Variants in MNAT1 observed in about 807,000 individuals in gnomAD.
MNAT1 encodes the protein CDK-activating kinase assembly factor MAT1.
MNAT1 carries 43 observed loss-of-function variants against 42.0 expected under a neutral mutation model. That is an observed-to-expected ratio of 1.02 (90% CI 0.80 to 1.32). The LOEUF (loss-of-function observed/expected upper bound fraction) is 1.32, where lower values mean the gene tolerates loss of function less well. MNAT1 is among the 40% of genes most tolerant of loss of function. MNAT1 has a pLI of 0.00. For synonymous variants in MNAT1, 118 were observed against 120.0 expected, an observed-to-expected ratio of 0.98 and a Z score of 0.11; for missense variants, 306 against 350.4, an observed-to-expected ratio of 0.87 and a Z score of 1.01.
At chr14:60,789,528 C>T (rs1468217333) in intron 1 of MNAT1, among the ~76,000 whole-genome samples, 4 of 152,088 alleles carry the variant, frequency 2.6e-5, no homozygotes, top group East Asian at 1.9e-4. Context: ...TAAGGCAATT[C>T]GCAATAAAAT....
chr14:60,963,485 G>T (rs118175868), intron 7 of MNAT1, among the ~76,000 whole-genome samples: 1 of 152,100 alleles, frequency 6.6e-6, no homozygotes, highest in African/African-American at 2.4e-5. Flanking sequence ...TTGTGTGAGC[G>T]CACTGTTGCT....
chr14:60,758,046 C>T (rs972484807), intron 1 of MNAT1, among the ~76,000 whole-genome samples: 1 of 151,970 alleles, frequency 6.6e-6, no homozygotes, highest in African/African-American at 2.4e-5. Context: ...ACAAATATAC[C>T]AGATATTCAA....
chr14:60,880,265 A>G (rs955778443), intron 7 of MNAT1, among the ~76,000 whole-genome samples: 1 of 152,172 alleles, frequency 6.6e-6, no homozygotes, highest in Non-Finnish European at 1.5e-5. Flanking sequence ...CATGAAATAT[A>G]TTTTGTTGAA....
intron 1 of MNAT1, among the ~76,000 whole-genome samples, chr14:60,771,054 T>C (rs2031034338): frequency 6.6e-6 from 1 of 152,226 alleles, no homozygotes; most frequent in Non-Finnish European, 1.5e-5. Flanking sequence ...CTCTAGTATA[T>C]ATACGTAGAA....
chr14:60,938,938 A>G (rs376815299), intron 7 of MNAT1, among the ~76,000 whole-genome samples: 2 of 152,098 alleles, frequency 1.3e-5, no homozygotes, highest in African/African-American at 4.8e-5. Context: ...CAGAGATTCA[A>G]CTTCTTCCTG....
At chr14:60,877,842 G>A (rs2034467177) in intron 6 of MNAT1, among the ~76,000 whole-genome samples, 1 of 151,912 alleles carries the variant, frequency 6.6e-6, no homozygotes, top group Admixed American at 6.6e-5. Flanking sequence ...TTATCCAGTA[G>A]TTCTTTCTTC....
Position 60,969,450 on chromosome 14 carries a change from G to T in MNAT1, c.*1101G>T, listed in dbSNP as rs949371106. ...TAACAACTCCATCTTATTTTACTAA[G>T]CAGTTATTAATTAATTTTAGCAATA... On this transcript the variant is annotated 3_prime_UTR_variant, in exon 8 of 8. Transcript: ENST00000261245. 3 of 152,142 alleles carry T rather than the reference G, an allele frequency of 2.0e-5. No individual in the cohort carries two copies. The highest frequency in any genetic ancestry group is 7.2e-5 in the African/African-American group (3 of 41,438). 9.4% of individuals were successfully genotyped at this position (152,142 alleles called of 1,614,324 possible). A position where few individuals can be genotyped will look rare whatever the true frequency, so the allele number is the denominator to read the frequency against.
rs1202052719 is a variant in MNAT1 at position 60,968,572 on chromosome 14, A to T, written c.*223A>T. The T allele has an allele frequency of 7.8e-7, 1 of 1,277,846 alleles. No homozygotes were observed. The highest frequency in any genetic ancestry group is 1.0e-6 in the Non-Finnish European group (1 of 953,122). 79.2% of individuals were successfully genotyped at this position (1,277,846 alleles called of 1,614,324 possible). A position where few individuals can be genotyped will look rare whatever the true frequency, so the allele number is the denominator to read the frequency against. ...TATATTTTTCAGAGGATTTGACACG[A>T]TAAGCCTCATCTGATGGAAGAGAGG... On this transcript the variant is annotated 3_prime_UTR_variant, in exon 8 of 8. Transcript: ENST00000261245.
intron 4 of MNAT1, among the ~76,000 whole-genome samples, chr14:60,809,304 CTTATAGTGTT>C (rs2032472134): frequency 6.6e-6 from 1 of 152,116 alleles, no homozygotes; most frequent in South Asian, 2.1e-4. Context: ...TCCTTGTAGT[CTTATAGTGTT>C]TTATATCAGC....
At chr14:60,818,338 C>T (rs2032778025) in intron 5 of MNAT1, among the ~76,000 whole-genome samples, 1 of 151,878 alleles carries the variant, frequency 6.6e-6, no homozygotes, top group Non-Finnish European at 1.5e-5. Flanking sequence ...TAATGGGAAA[C>T]AATTTCAAAC....
chr14:60,924,380 GT>G (rs1462227600), intron 7 of MNAT1, among the ~76,000 whole-genome samples: 31 of 53,366 alleles, frequency 5.8e-4, no homozygotes, highest in Admixed American at 2.8e-3. Flanking sequence ...TTCAGTGCCT[GT>G]TTAAAAAAAA....
chr14:60,865,725 TAAAC>T (rs958731505), intron 6 of MNAT1, among the ~76,000 whole-genome samples: 16 of 152,066 alleles, frequency 1.1e-4, no homozygotes, highest in African/African-American at 3.6e-4. Flanking sequence ...ACAAACAAAA[TAAAC>T]AAAATATTTT....
At chr14:60,857,859 A>G (rs1284002168) in intron 6 of MNAT1, among the ~76,000 whole-genome samples, 1 of 152,126 alleles carries the variant, frequency 6.6e-6, no homozygotes, top group Non-Finnish European at 1.5e-5. Context: ...TTTGCTGAGA[A>G]TGATGGTTTC....
intron 1 of MNAT1, among the ~76,000 whole-genome samples, chr14:60,764,478 G>GT (rs57467549): frequency 0.99 from 151,017 of 152,328 alleles, 74,873 homozygotes; most frequent in East Asian, 1. Context: ...GGCTATTTGG[G>GT]TTGGAACCCA....
chr14:60,948,638 A>C (rs1258815840), intron 7 of MNAT1, among the ~76,000 whole-genome samples: 1 of 152,128 alleles, frequency 6.6e-6, no homozygotes, highest in Non-Finnish European at 1.5e-5. Context: ...CCGGGTGACC[A>C]GTTCTCTTAT....
chr14:60,886,685 G>A (rs2034681468), intron 7 of MNAT1, among the ~76,000 whole-genome samples: 1 of 150,954 alleles, frequency 6.6e-6, no homozygotes, highest in African/African-American at 2.4e-5. Context: ...TTCACTATTA[G>A]TATAAAGAAA....
At chr14:60,872,865 CACACATAT>C (rs1050686778) in intron 6 of MNAT1, among the ~76,000 whole-genome samples, 8 of 147,112 alleles carry the variant, frequency 5.4e-5, no homozygotes, top group African/African-American at 2.1e-4. Flanking sequence ...CACACACACA[CACACATAT>C]ATATATGCAC....
chr14:60,748,695 T>C (rs2029937969), intron 1 of MNAT1, among the ~76,000 whole-genome samples: 1 of 152,186 alleles, frequency 6.6e-6, no homozygotes. Context: ...AGCAATAACA[T>C]GCATGAAGTT....
In MNAT1 at chr14:60,968,572, A is replaced by G. The variant is rs1202052719; in HGVS notation, c.*223A>G. 2.3e-6 allele frequency: 3 copies of G among 1,277,846 alleles called. No homozygotes were observed. Among genetic ancestry groups the G allele is most frequent in the Non-Finnish European group, 3.1e-6 (3 of 953,122 alleles). 79.2% of individuals were successfully genotyped at this position (1,277,846 alleles called of 1,614,324 possible). On this transcript the variant is annotated 3_prime_UTR_variant, in exon 8 of 8. Coordinates refer to ENST00000261245, the MANE Select transcript of MNAT1 (RefSeq NM_002431.4). ...TATATTTTTCAGAGGATTTGACACG[A>G]TAAGCCTCATCTGATGGAAGAGAGG... is the stretch of plus-strand genomic sequence containing the variant.
Sources: allele counts gnomAD v4.1 joint callset (sites outside exome capture counted in the v4.1 genomes callset), GRCh38; gene constraint gnomAD v4.1.1; transcripts MANE v1.5; gene names NCBI Gene and HGNC (gene_info 2026-07-23, HGNC 2026-07-21).